The following LYPLAL1 variants were observed in gnomAD, a reference collection of about 807,000 sequenced individuals.
LYPLAL1 encodes lysophospholipase-like protein 1.
In LYPLAL1, 23 loss-of-function variants were observed where a neutral mutation model predicts 19.7. The ratio of observed to expected loss-of-function variants is 1.17; its 90% confidence interval spans 0.84 to 1.65. The LOEUF is 1.65. LYPLAL1 is among the 40% of genes most tolerant of loss of function. The probability of loss-of-function intolerance (pLI) is 0.00; values close to 1 mark genes in which losing one functional copy is unlikely to be tolerated. For missense variants in LYPLAL1, 355 were observed against 279.4 expected, an observed-to-expected ratio of 1.27 and a Z score of -1.93; for synonymous variants, 119 against 96.3, an observed-to-expected ratio of 1.24 and a Z score of -1.38.
intron 2 of LYPLAL1, among the ~76,000 whole-genome samples, chr1:219,179,925 A>C (rs1656134552): frequency 6.6e-6 from 1 of 152,194 alleles, no homozygotes; most frequent in African/African-American, 2.4e-5. Flanking sequence ...AAGTGAAATG[A>C]TGTGTGGAGC....
the LYPLAL1 span, among the ~76,000 whole-genome samples, chr1:219,308,705 G>C: frequency 6.6e-6 from 1 of 152,162 alleles, no homozygotes; most frequent in Non-Finnish European, 1.5e-5. Context: ...GTCAAGAATT[G>C]GGTTTTGGGA....
the LYPLAL1 span, among the ~76,000 whole-genome samples, chr1:219,352,756 C>A: frequency 3.3e-5 from 5 of 152,244 alleles, no homozygotes; most frequent in African/African-American, 1.2e-4. Flanking sequence ...GCTGCATGTT[C>A]ATTGCATCAC....
chr1:219,438,736 G>A, the LYPLAL1 span, among the ~76,000 whole-genome samples: 10 of 152,116 alleles, frequency 6.6e-5, no homozygotes, highest in African/African-American at 2.2e-4. Context: ...AGATCACAAG[G>A]CATTTACTAT....
the LYPLAL1 span, among the ~76,000 whole-genome samples, chr1:219,242,958 C>T: frequency 6.6e-6 from 1 of 152,114 alleles, no homozygotes; most frequent in African/African-American, 2.4e-5. Context: ...AACCAGGCAT[C>T]CGCAGGTTGT....
At chr1:219,273,148 T>C in the LYPLAL1 span, 1 of 152,344 alleles carries the variant, frequency 6.6e-6, no homozygotes, top group African/African-American at 2.4e-5. Context: ...ATTTACTATA[T>C]TTTGCTCTCC....
the LYPLAL1 span, among the ~76,000 whole-genome samples, chr1:219,433,335 T>C: frequency 2.6e-5 from 4 of 152,186 alleles, no homozygotes; most frequent in African/African-American, 9.7e-5. Context: ...CTGGCAACAT[T>C]GAAGTATACA....
At chr1:219,424,474 A>G in the LYPLAL1 span, among the ~76,000 whole-genome samples, 9 of 152,300 alleles carry the variant, frequency 5.9e-5, no homozygotes, top group East Asian at 1.5e-3. Context: ...TCACAATCAT[A>G]ACTGGGTATA....
chr1:219,300,054 C>T, the LYPLAL1 span, among the ~76,000 whole-genome samples: 95 of 152,262 alleles, frequency 6.2e-4, no homozygotes, highest in East Asian at 1.9e-3. Context: ...TCACAGCTAA[C>T]TGCACCCATA....
At chr1:219,424,538 A>G in the LYPLAL1 span, among the ~76,000 whole-genome samples, 16 of 152,158 alleles carry the variant, frequency 1.1e-4, no homozygotes, top group African/African-American at 3.9e-4. Context: ...AACAACAACG[A>G]GATTGTCAGA....
chr1:219,415,252 C>G, the LYPLAL1 span, among the ~76,000 whole-genome samples: 3 of 152,314 alleles, frequency 2.0e-5, no homozygotes, highest in South Asian at 6.2e-4. Context: ...ACAGTGGTTT[C>G]AACCCCCACA....
intron 2 of LYPLAL1, among the ~76,000 whole-genome samples, chr1:219,191,688 G>GT (rs1192098944): frequency 6.6e-6 from 1 of 151,150 alleles, no homozygotes; most frequent in African/African-American, 2.4e-5. Context: ...GTAGAGATGG[G>GT]TAAAAAATGA....
the LYPLAL1 span, among the ~76,000 whole-genome samples, chr1:219,437,877 C>T: frequency 3.4e-4 from 52 of 152,008 alleles, no homozygotes; most frequent in African/African-American, 1.0e-3. Flanking sequence ...AGTGATTATC[C>T]TGCCTCAGTC....
chr1:219,443,382 G>T, the LYPLAL1 span, among the ~76,000 whole-genome samples: 1 of 152,186 alleles, frequency 6.6e-6, no homozygotes, highest in African/African-American at 2.4e-5. Flanking sequence ...CATCTACTAA[G>T]CTTTACTTTT....
the LYPLAL1 span, among the ~76,000 whole-genome samples, chr1:219,265,725 G>T: frequency 6.6e-6 from 1 of 152,060 alleles, no homozygotes; most frequent in Non-Finnish European, 1.5e-5. Flanking sequence ...AACCTAGGTG[G>T]TACAGCCTGC....
the LYPLAL1 span, among the ~76,000 whole-genome samples, chr1:219,308,097 T>C: frequency 6.6e-6 from 1 of 152,190 alleles, no homozygotes; most frequent in Non-Finnish European, 1.5e-5. Context: ...AGGAACTTGT[T>C]GTGAACTGGA....
chr1:219,427,850 C>A, the LYPLAL1 span, among the ~76,000 whole-genome samples: 11 of 152,190 alleles, frequency 7.2e-5, no homozygotes, highest in Admixed American at 7.2e-4. Context: ...AAGTTTGTGA[C>A]CCAGGGCAAT....
At chr1:219,353,753 T>A in the LYPLAL1 span, among the ~76,000 whole-genome samples, 9 of 152,128 alleles carry the variant, frequency 5.9e-5, no homozygotes, top group Non-Finnish European at 1.3e-4. Flanking sequence ...ATCAAACATT[T>A]CTAGATGCGA....
the LYPLAL1 span, among the ~76,000 whole-genome samples, chr1:219,428,294 C>A: frequency 6.6e-6 from 1 of 152,236 alleles, no homozygotes; most frequent in Non-Finnish European, 1.5e-5. Flanking sequence ...CAGTCTCTCA[C>A]ACAGATTCTA....
chr1:219,300,125 A>G, the LYPLAL1 span, among the ~76,000 whole-genome samples: 6 of 152,174 alleles, frequency 3.9e-5, no homozygotes, highest in Non-Finnish European at 7.3e-5. Context: ...CAGGGTCTAC[A>G]GGCAAGTGCC....
Sources: gnomAD v4.1 joint callset for allele counts (sites outside exome capture counted in the v4.1 genomes callset) on GRCh38, gnomAD v4.1.1 for gene constraint, MANE v1.5 for transcripts, NCBI Gene and HGNC (gene_info 2026-07-23, HGNC 2026-07-21) for gene names.